The following MYL1 variants were observed in gnomAD, a reference collection of about 807,000 sequenced individuals.
The protein encoded by MYL1 is myosin light chain 1/3, skeletal muscle isoform.
A neutral mutation model predicts 21.8 loss-of-function variants in MYL1; 16 were observed. The ratio of observed to expected loss-of-function variants is 0.74; its 90% confidence interval spans 0.50 to 1.12. The LOEUF (loss-of-function observed/expected upper bound fraction) is 1.12. MYL1 is among the 50% of genes most tolerant of loss of function. The pLI is 0.00. For synonymous variants in MYL1, 99 were observed against 85.2 expected (o/e 1.16, Z -0.89); for missense variants, 246 against 241.0 (o/e 1.02, Z -0.14).
chr2:210,291,884 C>T (rs1690081041), intron 5 of MYL1, among the ~76,000 whole-genome samples: 1 of 152,246 alleles, frequency 6.6e-6, no homozygotes, highest in South Asian at 2.1e-4. Flanking sequence ...GACTAAGTCT[C>T]TCCAGAAGTA....
At chr2:210,302,651 G>A (rs1216595692) in intron 1 of MYL1, 136 bp from the exon 2 acceptor site, 89 of 1,490,116 alleles carry the variant, frequency 6.0e-5, no homozygotes, top group Middle Eastern at 3.5e-4. Context: ...GAGTTCAGGC[G>A]TAGCTTGGAC....
intron 1 of MYL1, 136 bp from the exon 2 acceptor site, chr2:210,302,651 G>T (rs1216595692): frequency 1.3e-6 from 2 of 1,490,114 alleles, no homozygotes; most frequent in Non-Finnish European, 1.8e-6. Flanking sequence ...GAGTTCAGGC[G>T]TAGCTTGGAC....
At chr2:210,302,458 A>G in intron 2 of MYL1, 30 bp downstream of exon 2, 1 of 1,597,012 alleles carries the variant, frequency 6.3e-7, no homozygotes, top group South Asian at 1.1e-5. Context: ...ATGAGTGTGC[A>G]CATTTAAGAA....
In MYL1 at chr2:210,293,635, AAGGAAG is replaced by A. The variant is rs1450653668; in HGVS notation, c.556+82_556+87del. On this transcript the variant is annotated intron_variant, in intron 5 of 6. Transcript: ENST00000352451. ...GATTGTCATATGTATGTCAATAAGG[AAGGAAG>A]AGGAAAAGAAGCTCAAAAGGAGCCC... 1.1e-5 allele frequency: 11 copies of A among 1,029,068 alleles called. No individual in the cohort carries two copies. In the African/African-American group the frequency reaches 1.4e-4, roughly 13 times the overall value. 63.7% of individuals were successfully genotyped at this position (1,029,068 alleles called of 1,614,324 possible).
chr2:210,292,064 G>A (rs1690084889), intron 5 of MYL1, among the ~76,000 whole-genome samples: 2 of 151,972 alleles, frequency 1.3e-5, no homozygotes, highest in African/African-American at 4.8e-5. Context: ...TCTCAGTGTA[G>A]TTTTATATTA....
intron 5 of MYL1, among the ~76,000 whole-genome samples, chr2:210,292,317 C>G (rs1690090101): frequency 6.6e-6 from 1 of 152,176 alleles, no homozygotes; most frequent in African/African-American, 2.4e-5. Flanking sequence ...AAGTGATCTA[C>G]CTACCTGGGC....
rs1690299775 is a variant in MYL1 at position 210,303,757 on chromosome 2, C to T, written c.133-1242G>A. 8.7e-6 allele frequency: 4 copies of T among 457,756 alleles called. No homozygotes were observed. The South Asian group carries it at 2.0e-4, about 22-fold the overall frequency. The allele number at this position is 457,756 out of a possible 1,614,324, so 28.4% of individuals were successfully genotyped here. Reference sequence around the variant, plus strand: ...GGGCAAAGGGAAAGATGGATCTGTACCCTGAGAGCTATTTTTAGATGACCA... The same window carrying T: ...GGGCAAAGGGAAAGATGGATCTGTATCCTGAGAGCTATTTTTAGATGACCA... On this transcript the variant is annotated intron_variant, in intron 1 of 6. Coordinates refer to ENST00000352451, the MANE Select transcript of MYL1 (RefSeq NM_079420.3).
At position 210,302,745 on chromosome 2, in the gene MYL1, G is replaced by T. The variant is rs750380661; in HGVS notation, c.133-230C>A. On this transcript the variant is annotated intron_variant, in intron 1 of 6. Coordinates refer to ENST00000352451, the MANE Select transcript of MYL1 (RefSeq NM_079420.3). The stretch of plus-strand genomic sequence containing the variant: ...AGGCAGTGCTGTGCCTACATCTGTA[G>T]CAGACAAACTCAATTCACTTACCAG... 2.4e-5 allele frequency: 37 copies of T among 1,564,592 alleles called. No homozygotes were observed. In the Admixed American group the frequency reaches 6.9e-4, roughly 29 times the overall value.
intron 1 of MYL1, among the ~76,000 whole-genome samples, chr2:210,311,661 G>A (rs764742877): frequency 7.9e-5 from 12 of 151,948 alleles, no homozygotes; most frequent in Non-Finnish European, 1.6e-4. Context: ...TACAATCTAG[G>A]TACATGGTTA....
At position 210,314,052 on chromosome 2, in the gene MYL1, T is replaced by C. The variant is rs993747488; in HGVS notation, c.132+859A>G. ...GAAGGTGCACATTTAATGAGTCACA[T>C]CACTGGAAGTTAACAGACGTACCTA... is the stretch of plus-strand genomic sequence containing the variant. On this transcript the variant is annotated intron_variant, in intron 1 of 6. Coordinates refer to ENST00000352451, the MANE Select transcript of MYL1 (RefSeq NM_079420.3). 5.3e-5 allele frequency among the ~76,000 whole-genome samples: 8 copies of C among 152,212 alleles called. No individual in the cohort carries two copies. In the South Asian group the frequency reaches 8.3e-4, roughly 16 times the overall value.
Position 210,291,133 on chromosome 2 carries a change from TA to T in MYL1, c.557-60del, listed in dbSNP as rs1690068988. On this transcript the variant is annotated intron_variant, in intron 5 of 6. Coordinates refer to ENST00000352451, the MANE Select transcript of MYL1 (RefSeq NM_079420.3). ...AGAGTTAGGAAACAGTCAAATTTAA[TA>T]AAAGAGAGGTTTAATGAGTTAGCTC... 13 of 1,392,242 alleles carry T rather than the reference TA, an allele frequency of 9.3e-6. 1 individual carries two copies. The Admixed American group carries it at 1.8e-4, about 19-fold the overall frequency. 86.2% of individuals were successfully genotyped at this position (1,392,242 alleles called of 1,614,324 possible). A position where few individuals can be genotyped will look rare whatever the true frequency, so the allele number is the denominator to read the frequency against.
chr2:210,301,252 G>C (rs1191303977), intron 2 of MYL1, among the ~76,000 whole-genome samples: 1 of 152,062 alleles, frequency 6.6e-6, no homozygotes, highest in African/African-American at 2.4e-5. Context: ...TGAGAAAAAA[G>C]TCCTTCATAG....
At chr2:210,298,905 C>G (rs985544708) in intron 2 of MYL1, among the ~76,000 whole-genome samples, 12 of 152,078 alleles carry the variant, frequency 7.9e-5, no homozygotes, top group African/African-American at 2.9e-4. Context: ...CTTTAATAAT[C>G]TCTCATATAA....
intron 2 of MYL1, among the ~76,000 whole-genome samples, chr2:210,302,244 A>C (rs1189946045): frequency 6.6e-6 from 1 of 152,164 alleles, no homozygotes; most frequent in Non-Finnish European, 1.5e-5. Context: ...TTTAGATATC[A>C]GCAAATATAA....
chr2:210,292,569 T>C (rs995099586), intron 5 of MYL1, among the ~76,000 whole-genome samples: 10 of 147,968 alleles, frequency 6.8e-5, no homozygotes, highest in Non-Finnish European at 9.0e-5. Context: ...TTTTTTTTTT[T>C]CTGGTTTGCT....
In MYL1 at chr2:210,298,475, G is replaced by C. The variant is rs1690213926; in HGVS notation, c.249C>G (p.Gly83=). The C allele has an allele frequency of 1.9e-6, 3 of 1,613,978 alleles. No individual in the cohort carries two copies. Among genetic ancestry groups the C allele is most frequent in the Middle Eastern group, 3.3e-4 (2 of 6,060 alleles). Reference sequence around the variant, plus strand: ...TGACCTCTGCATTGGTGGGATTTGTGCCCAGAGCTCGAAGGACATCACCGA... The same window carrying C: ...TGACCTCTGCATTGGTGGGATTTGTCCCCAGAGCTCGAAGGACATCACCGA... ...SQVGDVLRAL[G]TNPTNAEVRK... The change falls in exon 3 of 7, where the codon GGC becomes GGG. Residue 83 remains glycine (G), a synonymous_variant. Transcript: ENST00000352451.
chr2:210,297,168 C>T (rs961890769), intron 3 of MYL1, among the ~76,000 whole-genome samples: 1 of 151,552 alleles, frequency 6.6e-6, no homozygotes, highest in Non-Finnish European at 1.5e-5. Flanking sequence ...TGTTGATTTC[C>T]TTTTCTTTAG....
Position 210,291,017 on chromosome 2 carries a change from G to C in MYL1, c.*14+15C>G. On this transcript the variant is annotated intron_variant, in intron 6 of 6. Coordinates refer to ENST00000352451, the MANE Select transcript of MYL1 (RefSeq NM_079420.3). The stretch of plus-strand genomic sequence containing the variant: ...CAAGAAATCCTTAAATATTAAAGAG[G>C]GAACTGGTATATACCTTGAGAGCTC... 1 of 1,544,822 alleles carries C rather than the reference G, an allele frequency of 6.5e-7. No individual in the cohort carries two copies. The highest frequency in any genetic ancestry group is 8.8e-7 in the Non-Finnish European group (1 of 1,136,722).
intron 3 of MYL1, among the ~76,000 whole-genome samples, chr2:210,295,170 A>G (rs1214035005): frequency 1.3e-5 from 2 of 152,198 alleles, no homozygotes; most frequent in Non-Finnish European, 2.9e-5. Context: ...TGTATTCACC[A>G]AATCAAATTT....
Sources: allele counts gnomAD v4.1 joint callset (sites outside exome capture counted in the v4.1 genomes callset), GRCh38; gene constraint gnomAD v4.1.1; transcripts MANE v1.5; gene names NCBI Gene and HGNC (gene_info 2026-07-23, HGNC 2026-07-21).